The following UBE3C variants were observed in gnomAD, a reference collection of about 807,000 sequenced individuals.
UBE3C encodes the protein ubiquitin-protein ligase E3C.
In UBE3C, 42 loss-of-function variants were observed where a neutral mutation model predicts 129.4. The observed-to-expected ratio is 0.32, with a 90% confidence interval of 0.25 to 0.42. The LOEUF is 0.42. UBE3C is among the 10% of genes least tolerant of loss of function. UBE3C has a pLI of 1.00. For missense variants in UBE3C, 1,049 were observed against 1,319.1 expected (o/e 0.80, Z 3.17); for synonymous variants, 510 against 492.4 (o/e 1.04, Z -0.47).
intron 18 of UBE3C, 68 bp downstream of exon 18, chr7:157,231,395 GTTGT>G: frequency 5.1e-6 from 8 of 1,572,174 alleles, no homozygotes; most frequent in Non-Finnish European, 6.9e-6. Flanking sequence ...TTTATGTGTG[GTTGT>G]TATCCAGGTT....
chr7:157,264,240 C>A (rs1021218523), intron 22 of UBE3C, among the ~76,000 whole-genome samples: 2 of 130,852 alleles, frequency 1.5e-5, no homozygotes, highest in African/African-American at 6.4e-5. Flanking sequence ...CGGCCTGTTA[C>A]ACACACACAC....
chr7:157,258,138 G>A (rs1236095540), intron 22 of UBE3C, among the ~76,000 whole-genome samples: 1 of 151,802 alleles, frequency 6.6e-6, no homozygotes, highest in East Asian at 1.9e-4. Context: ...TGTAGAGAAG[G>A]GTTTCACTGT....
chr7:157,242,601 T>C (rs977734095), intron 18 of UBE3C, among the ~76,000 whole-genome samples: 1 of 151,422 alleles, frequency 6.6e-6, no homozygotes, highest in African/African-American at 2.4e-5. Flanking sequence ...GATGTTTGCT[T>C]CTTGTCAGTG....
chr7:157,170,421 T>C lies in UBE3C; in HGVS notation c.313T>C (p.Tyr105His), dbSNP rs766237206. 2.0e-5 allele frequency: 32 copies of C among 1,561,712 alleles called. No individual in the cohort carries two copies. The highest frequency in any genetic ancestry group is 2.8e-5 in the Non-Finnish European group (32 of 1,158,302). Residue 105 changes from tyrosine (Y) to histidine (H), a missense_variant, in exon 4 of 23, where the codon TAC (tyrosine) becomes CAC (histidine). Physicochemically the swap from Tyr to His is moderately conservative, Grantham distance 83. Around this residue, in one of 4 missense-constraint regions of UBE3C, gnomAD observed 489 missense variants for 513.8 expected, o/e 0.95. Transcript: ENST00000348165. ...TLLVRQLLFF[Y>H]KQNEDSKRLI... Reference sequence around the variant, plus strand: ...TTTGGTAAGGCAGCTTCTGTTTTTTTACAAACAAAATGAAGACTCAAAACG... The same window carrying C: ...TTTGGTAAGGCAGCTTCTGTTTTTTCACAAACAAAATGAAGACTCAAAACG...
intron 1 of UBE3C, among the ~76,000 whole-genome samples, chr7:157,140,761 G>A (rs1033398010): frequency 6.6e-6 from 1 of 152,214 alleles, no homozygotes; most frequent in Non-Finnish European, 1.5e-5. Flanking sequence ...TTTTCACCAA[G>A]GAGTGCATCT....
chr7:157,182,165 G>T lies in UBE3C; in HGVS notation c.828G>T (p.Gln276His). ...EEFLAAPFTD[Q>H]IFHFIIPALA... ...TTCTGGCAGCACCTTTTACAGATCAGATTTTTCATTTCATCATTCCGGCGC... is the reference window on the plus strand; with the variant it reads ...TTCTGGCAGCACCTTTTACAGATCATATTTTTCATTTCATCATTCCGGCGC... The change falls in exon 8 of 23, where the codon CAG becomes CAT. Residue 276 changes from glutamine to histidine, a missense_variant. By Grantham distance (24) the Gln-to-His change is conservative (BLOSUM62 0). This residue lies in a region of UBE3C where 489 missense variants were observed against 513.8 expected (regional missense o/e 0.95). Transcript: ENST00000348165. The T allele has an allele frequency of 6.2e-7, 1 of 1,612,362 alleles. No homozygotes were observed. The highest frequency in any genetic ancestry group is 8.5e-7 in the Non-Finnish European group (1 of 1,179,576).
chr7:157,253,935 T>A lies in UBE3C; in HGVS notation c.2695-19T>A, dbSNP rs770919754. The A allele has an allele frequency of 1.3e-6, 2 of 1,564,140 alleles. No homozygotes were observed. The highest frequency in any genetic ancestry group is 1.7e-6 in the Non-Finnish European group (2 of 1,151,916). On this transcript the variant is annotated intron_variant, in intron 19 of 22. Coordinates refer to ENST00000348165, the MANE Select transcript of UBE3C (RefSeq NM_014671.3). ...TCATACTTTGAGGATTTTGAGATCC[T>A]TACGTTTTGTATTCCCAGGTAGTTG...
At chr7:157,220,883 C>A in intron 15 of UBE3C, 107 bp downstream of exon 15, 2 of 1,284,122 alleles carry the variant, frequency 1.6e-6, no homozygotes, top group Non-Finnish European at 1.1e-6. Flanking sequence ...ACAGCCATGT[C>A]ACTCCCAGCA....
At chr7:157,167,019 T>G (rs1463149971) in intron 2 of UBE3C, among the ~76,000 whole-genome samples, 1 of 151,920 alleles carries the variant, frequency 6.6e-6, no homozygotes, top group African/African-American at 2.4e-5. Context: ...AACCTCCACC[T>G]CCTGGCTTCA....
At chr7:157,190,508 G>A (rs1354457607) in intron 10 of UBE3C, among the ~76,000 whole-genome samples, 2 of 152,114 alleles carry the variant, frequency 1.3e-5, no homozygotes, top group African/African-American at 2.4e-5. Flanking sequence ...AGCCACATGT[G>A]GCCAGGGGCT....
intron 2 of UBE3C, chr7:157,164,434 C>T (rs186831120): frequency 1.3e-5 from 6 of 456,616 alleles, no homozygotes; most frequent in South Asian, 6.2e-5. Context: ...GGATTACAGG[C>T]GTGAACTGCC....
chr7:157,212,677 C>G (rs1809630536), intron 13 of UBE3C, among the ~76,000 whole-genome samples: 1 of 152,212 alleles, frequency 6.6e-6, no homozygotes, highest in South Asian at 2.1e-4. Context: ...TTAAGGGAAA[C>G]CTGCTTACAG....
At chr7:157,220,833 C>G in intron 15 of UBE3C, 57 bp downstream of exon 15, 1 of 1,549,692 alleles carries the variant, frequency 6.5e-7, no homozygotes, top group East Asian at 2.3e-5. Flanking sequence ...GTCAAATTCA[C>G]TCCTTTAATC....
intron 22 of UBE3C, among the ~76,000 whole-genome samples, chr7:157,264,139 A>G (rs547035326): frequency 6.6e-6 from 1 of 150,850 alleles, no homozygotes; most frequent in Non-Finnish European, 1.5e-5. Flanking sequence ...GTGCACACAC[A>G]CACACCTGGT....
At chr7:157,165,557 C>A (rs1016205338) in intron 2 of UBE3C, among the ~76,000 whole-genome samples, 2 of 152,026 alleles carry the variant, frequency 1.3e-5, no homozygotes, top group Admixed American at 6.6e-5. Context: ...GCCACCGCAC[C>A]CAGCTAATTT....
chr7:157,139,586 G>A (rs533647325), intron 1 of UBE3C, among the ~76,000 whole-genome samples: 1 of 152,336 alleles, frequency 6.6e-6, no homozygotes, highest in Admixed American at 6.5e-5. Context: ...TGGACTCGGG[G>A]CCTCCCTGGC....
chr7:157,231,381 T>A, intron 18 of UBE3C, 54 bp downstream of exon 18: 3 of 1,592,770 alleles, frequency 1.9e-6, no homozygotes, highest in Non-Finnish European at 2.6e-6. Context: ...GTTGACATTT[T>A]ATGTTTATGT....
At chr7:157,180,259 G>A (rs1808632448) in intron 6 of UBE3C, among the ~76,000 whole-genome samples, 1 of 152,182 alleles carries the variant, frequency 6.6e-6, no homozygotes, top group South Asian at 2.1e-4. Context: ...ATTTGCAACA[G>A]AACCTTTGTC....
chr7:157,155,336 A>G (rs1315048660), intron 1 of UBE3C, among the ~76,000 whole-genome samples: 1 of 152,220 alleles, frequency 6.6e-6, no homozygotes, highest in Non-Finnish European at 1.5e-5. Flanking sequence ...CTGAACTGAA[A>G]CAGATGTGAA....
Sources: gnomAD v4.1 joint callset for allele counts (sites outside exome capture counted in the v4.1 genomes callset) on GRCh38, gnomAD v4.1.1 for gene constraint, gnomAD v4.1.1 regional missense constraint, MANE v1.5 for transcripts, NCBI Gene and HGNC (gene_info 2026-07-23, HGNC 2026-07-21) for gene names.